EPS15L1: variants seen among roughly 807,000 people sequenced by gnomAD.
EPS15L1 encodes the protein epidermal growth factor receptor substrate 15-like 1.
A neutral mutation model predicts 117.1 loss-of-function variants in EPS15L1; 43 were observed. That is an observed-to-expected ratio of 0.37 (90% confidence interval 0.29 to 0.47). The LOEUF is 0.47. Ranked by LOEUF, EPS15L1 falls within the 20% of genes least tolerant of loss-of-function variation. The probability of loss-of-function intolerance (pLI) is 0.99; values close to 1 mark genes in which losing one functional copy is unlikely to be tolerated. For missense variants in EPS15L1, 981 were observed against 1,164.0 expected (o/e 0.84, Z 2.29); for synonymous variants, 459 against 470.5 (o/e 0.98, Z 0.32).
At chr19:16,432,271 TA>T (rs1159779826) in intron 7 of EPS15L1, among the ~76,000 whole-genome samples, 1 of 151,946 alleles carries the variant, frequency 6.6e-6, no homozygotes, top group Non-Finnish European at 1.5e-5. Context: ...CCATCTCTAT[TA>T]AAAATACAAA....
At chr19:16,372,349 A>G (rs2092236835) in intron 22 of EPS15L1, among the ~76,000 whole-genome samples, 1 of 152,092 alleles carries the variant, frequency 6.6e-6, no homozygotes, top group Admixed American at 6.5e-5. Context: ...ACCTCAATTG[A>G]CCTTTAAACA....
intron 1 of EPS15L1, among the ~76,000 whole-genome samples, chr19:16,446,260 C>T (rs868618905): frequency 1.2e-4 from 19 of 152,256 alleles, no homozygotes; most frequent in South Asian, 2.1e-4. Context: ...TGTGTTCTAA[C>T]GACTCCTAAG....
At position 16,402,385 on chromosome 19, in the gene EPS15L1, A is replaced by G; in HGVS notation, c.1727T>C (p.Leu576Pro). 6.2e-7 allele frequency: 1 copy of G among 1,614,134 alleles called. No homozygotes were observed. The highest frequency in any genetic ancestry group is 8.5e-7 in the Non-Finnish European group (1 of 1,180,004). The change falls in exon 16 of 24, where the codon CTG (leucine) becomes CCG (proline). Residue 576 changes from leucine to proline, a missense_variant. By Grantham distance (98) the Leu-to-Pro change is moderately conservative. This residue lies in a region of EPS15L1 where 819 missense variants were observed against 949.0 expected (regional missense o/e 0.86). Coordinates refer to ENST00000455140, the MANE Select transcript of EPS15L1 (RefSeq NM_001258374.3). ...TTCGCTCAGGTTGGCCAGGTCGGTC[A>G]GGCTGGCACCATGGGCTCCATCGAG... ...QVLDGAHGAS[L>P]TDLANLSEGV...
At chr19:16,446,432 T>C (rs1210279026) in intron 1 of EPS15L1, among the ~76,000 whole-genome samples, 1 of 152,210 alleles carries the variant, frequency 6.6e-6, no homozygotes, top group Non-Finnish European at 1.5e-5. Flanking sequence ...TGGTTCAAAA[T>C]GACTTTTGGA....
chr19:16,401,365 TAGAGAGCACGAGCGCTCA>T, intron 16 of EPS15L1: 3 of 985,356 alleles, frequency 3.0e-6, no homozygotes, highest in African/African-American at 3.5e-5. Context: ...GTGTGGTGTT[TAGAGAGCACGAGCGCTCA>T]CTCTTATTCC....
intron 16 of EPS15L1, among the ~76,000 whole-genome samples, chr19:16,399,073 G>A (rs2092570800): frequency 6.6e-6 from 1 of 152,138 alleles, no homozygotes; most frequent in Non-Finnish European, 1.5e-5. Flanking sequence ...AGAGACTGAG[G>A]TTCTGGGAAT....
intron 1 of EPS15L1, among the ~76,000 whole-genome samples, chr19:16,451,560 GCT>G (rs2093143742): frequency 1.3e-5 from 2 of 150,370 alleles, no homozygotes; most frequent in Non-Finnish European, 3.0e-5. Context: ...ATGGAGTTTT[GCT>G]CTGTCGCCCA....
intron 21 of EPS15L1, among the ~76,000 whole-genome samples, chr19:16,384,520 C>T (rs1283813466): frequency 6.6e-6 from 1 of 152,162 alleles, no homozygotes; most frequent in Admixed American, 6.5e-5. Flanking sequence ...ACACTGCCAG[C>T]GTCTGGAGAA....
intron 12 of EPS15L1, among the ~76,000 whole-genome samples, chr19:16,416,135 G>C (rs1404306086): frequency 1.3e-5 from 2 of 152,236 alleles, no homozygotes; most frequent in African/African-American, 4.8e-5. Context: ...ACCAAGGCCA[G>C]AGGAGCTGAT....
chr19:16,381,167 T>C lies in EPS15L1; in HGVS notation c.2248-3913A>G, dbSNP rs1336747326. ...GCCCAGGCAGGAGACACTCGCTCTG[T>C]GCTGATCTTCTCACCTAATAATAGG... On this transcript the variant is annotated intron_variant, in intron 21 of 23. Transcript: ENST00000455140. This position sits in a 1 kb window ranked among gnomAD's most constrained non-coding sequence, Gnocchi z 4.2. Among the ~76,000 whole-genome samples, 1 of 152,252 alleles carries C rather than the reference T, an allele frequency of 6.6e-6. No individual in the cohort carries two copies. Among genetic ancestry groups the C allele is most frequent in the Non-Finnish European group, 1.5e-5 (1 of 68,036 alleles).
intron 20 of EPS15L1, 77 bp from the exon 21 acceptor site, chr19:16,385,288 G>A (rs2092408411): frequency 8.3e-7 from 1 of 1,198,048 alleles, no homozygotes; most frequent in East Asian, 2.3e-5. Context: ...GGAAATGCTA[G>A]ATGGCCCCTG....
chr19:16,400,933 C>T, intron 16 of EPS15L1: 1 of 985,384 alleles, frequency 1.0e-6, no homozygotes, highest in African/African-American at 1.7e-5. Flanking sequence ...TGAACGAAGA[C>T]TGAGCAGGAC....
intron 3 of EPS15L1, chr19:16,441,155 G>C (rs1375813680): frequency 2.4e-5 from 13 of 548,284 alleles, no homozygotes; most frequent in Non-Finnish European, 4.3e-5. Flanking sequence ...TGGTGTTTAT[G>C]ACACCCTTCT....
intron 1 of EPS15L1, among the ~76,000 whole-genome samples, chr19:16,442,754 G>A (rs557994180): frequency 4.6e-5 from 7 of 152,346 alleles, no homozygotes; most frequent in East Asian, 3.8e-4. Context: ...CCCGGAGAGC[G>A]CTGGCCAGTA....
chr19:16,376,989 G>T (rs1353812387), intron 22 of EPS15L1, 133 bp downstream of exon 22: 3 of 1,185,998 alleles, frequency 2.5e-6, no homozygotes, highest in South Asian at 3.1e-5. Flanking sequence ...AGCTGGGCCG[G>T]GGGGACCCTC....
intron 21 of EPS15L1, chr19:16,382,839 G>C (rs1480994802): frequency 3.3e-5 from 5 of 152,112 alleles, no homozygotes; most frequent in Non-Finnish European, 5.9e-5. Context: ...TCTAGAATCA[G>C]GCTGTGGGCT....
At chr19:16,432,186 C>T (rs901951302) in intron 7 of EPS15L1, among the ~76,000 whole-genome samples, 5 of 152,182 alleles carry the variant, frequency 3.3e-5, no homozygotes, top group Admixed American at 3.3e-4. Context: ...GTAATCCTTG[C>T]ACTTTGGGAG....
rs575440698 is a variant in EPS15L1, at chr19:16,404,517, G to A, written c.1428+71C>T. 4.8e-4 allele frequency: 744 copies of A among 1,538,520 alleles called. 4 individuals are homozygous for A. Among genetic ancestry groups the A allele is most frequent in the Middle Eastern group, 3.8e-3 (21 of 5,514 alleles). ...TAAGTGTTGTGTTCCCAGGTAACAC[G>A]AGCTCAGGGGAGTCCTTGGGAAGCC... On this transcript the variant is annotated intron_variant, in intron 14 of 23. Coordinates refer to ENST00000455140, the MANE Select transcript of EPS15L1 (RefSeq NM_001258374.3). The surrounding 1 kb of genome is among the most constrained non-coding windows in gnomAD (Gnocchi z 4.2).
chr19:16,399,179 G>T (rs1395602835), intron 16 of EPS15L1, among the ~76,000 whole-genome samples: 1 of 152,182 alleles, frequency 6.6e-6, no homozygotes, highest in East Asian at 1.9e-4. Flanking sequence ...CCCTTCCAAG[G>T]GGAAGCCTGA....
Sources: gnomAD v4.1 joint callset for allele counts (sites outside exome capture counted in the v4.1 genomes callset) on GRCh38, gnomAD v4.1.1 for gene constraint, gnomAD v4.1.1 regional missense constraint, Gnocchi (gnomAD v3.1) non-coding constraint, MANE v1.5 for transcripts, NCBI Gene and HGNC (gene_info 2026-07-23, HGNC 2026-07-21) for gene names.